Variants in NFIB observed in about 807,000 individuals in gnomAD.
NFIB encodes nuclear factor 1 B-type.
Under a neutral mutation model 61.5 loss-of-function variants are expected in NFIB, and 11 were observed. The ratio of observed to expected loss-of-function variants is 0.18; its 90% CI spans 0.11 to 0.30. The LOEUF is 0.30. NFIB is among the 10% of genes least tolerant of loss of function. The probability of loss-of-function intolerance (pLI) is 1.00; values close to 1 mark genes in which losing one functional copy is unlikely to be tolerated. For missense variants in NFIB, 471 were observed against 608.9 expected (o/e 0.77, Z 2.38); for synonymous variants, 260 against 216.5 (o/e 1.20, Z -1.76).
At chr9:14,416,257 T>C in the NFIB span, among the ~76,000 whole-genome samples, 1 of 152,222 alleles carries the variant, frequency 6.6e-6, no homozygotes, top group African/African-American at 2.4e-5. Flanking sequence ...CTCTACTTTT[T>C]ATTGTTATTT....
intron 2 of NFIB, among the ~76,000 whole-genome samples, chr9:14,184,274 A>G (rs978223881): frequency 6.6e-6 from 1 of 152,242 alleles, no homozygotes; most frequent in Non-Finnish European, 1.5e-5. Context: ...CAATCCTAAA[A>G]TAATGCGAAG....
chr9:14,447,306 T>A, the NFIB span, among the ~76,000 whole-genome samples: 1 of 152,216 alleles, frequency 6.6e-6, no homozygotes, highest in East Asian at 1.9e-4. Flanking sequence ...CATTATTTCC[T>A]TGTGCATTTA....
chr9:14,471,785 T>C, the NFIB span, among the ~76,000 whole-genome samples: 1 of 152,332 alleles, frequency 6.6e-6, no homozygotes, highest in East Asian at 1.9e-4. Flanking sequence ...ACAATCAGTC[T>C]TAGGGTGGCC....
At chr9:14,179,362 T>C (rs749351737) in intron 3 of NFIB, among the ~76,000 whole-genome samples, 1 of 152,086 alleles carries the variant, frequency 6.6e-6, no homozygotes, top group Non-Finnish European at 1.5e-5. Context: ...TGATAAACTA[T>C]AATTGCAGTA....
intron 2 of NFIB, among the ~76,000 whole-genome samples, chr9:14,302,642 G>C (rs892746715): frequency 6.6e-6 from 1 of 152,292 alleles, no homozygotes; most frequent in South Asian, 2.1e-4. Flanking sequence ...CACGACAACA[G>C]TTGCTATCTC....
the NFIB span, among the ~76,000 whole-genome samples, chr9:14,503,588 G>T: frequency 2.0e-3 from 299 of 152,200 alleles, 2 homozygotes; most frequent in African/African-American, 6.1e-3. Context: ...TAGTGATGTT[G>T]GGCATTTTTC....
At chr9:14,367,894 A>G (rs538855454) in intron 1 of NFIB, among the ~76,000 whole-genome samples, 38 of 152,212 alleles carry the variant, frequency 2.5e-4, no homozygotes, top group African/African-American at 8.7e-4. Context: ...TGAGGGGCTA[A>G]GGGAGGGATA....
chr9:14,214,544 G>A (rs970378652), intron 2 of NFIB, among the ~76,000 whole-genome samples: 3 of 152,176 alleles, frequency 2.0e-5, no homozygotes, highest in Admixed American at 2.0e-4. Flanking sequence ...GAAAAGTCAC[G>A]CTTTCCTCTA....
rs532374304 is a variant in NFIB at position 14,138,573 on chromosome 9, C to T, written c.925+8116G>A. Among the ~76,000 whole-genome samples the T allele has an allele frequency of 3.3e-5, 5 of 151,700 alleles. No individual in the cohort carries two copies. The East Asian group carries it at 7.7e-4, about 24-fold the overall frequency. ...ATGTAAAAAAAAAAAGTTCATTGTT[C>T]GAAATATTCAGATCTATTTACATGC... is the stretch of plus-strand genomic sequence containing the variant. On this transcript the variant is annotated intron_variant, in intron 6 of 10. Transcript: ENST00000380953.
chr9:14,332,758 G>A (rs567471003), intron 1 of NFIB, among the ~76,000 whole-genome samples: 1 of 152,294 alleles, frequency 6.6e-6, no homozygotes, highest in Admixed American at 6.5e-5. Context: ...AGGAAATACA[G>A]TACGAACAAA....
chr9:14,163,767 G>A (rs142464967), intron 3 of NFIB, among the ~76,000 whole-genome samples: 33 of 151,990 alleles, frequency 2.2e-4, no homozygotes, highest in African/African-American at 5.8e-4. Flanking sequence ...TTACTGATAT[G>A]TTCATGGAAC....
the NFIB span, among the ~76,000 whole-genome samples, chr9:14,495,217 C>T: frequency 2.6e-4 from 39 of 152,224 alleles, no homozygotes; most frequent in Non-Finnish European, 4.6e-4. Context: ...CACCCTCACA[C>T]GTAGACCTCA....
At chr9:14,477,795 T>A in the NFIB span, among the ~76,000 whole-genome samples, 1 of 152,206 alleles carries the variant, frequency 6.6e-6, no homozygotes, top group Non-Finnish European at 1.5e-5. Flanking sequence ...AGGTTTTGTT[T>A]TGTTGTTATC....
At chr9:14,149,551 A>G (rs2042634813) in intron 5 of NFIB, among the ~76,000 whole-genome samples, 3 of 152,156 alleles carry the variant, frequency 2.0e-5, no homozygotes, top group Admixed American at 2.0e-4. Context: ...ACAGAGAAGT[A>G]AAAAGCAAAG....
intron 1 of NFIB, among the ~76,000 whole-genome samples, chr9:14,392,258 T>A (rs1231451059): frequency 1.3e-5 from 2 of 152,120 alleles, no homozygotes; most frequent in East Asian, 3.9e-4. Flanking sequence ...ATGAAGAAAT[T>A]TGAATATAGA....
chr9:14,382,800 G>A (rs2061503990), intron 1 of NFIB, among the ~76,000 whole-genome samples: 1 of 152,136 alleles, frequency 6.6e-6, no homozygotes, highest in Non-Finnish European at 1.5e-5. Context: ...TAAATGAACT[G>A]TAGCTGCACT....
At chr9:14,135,703 T>C (rs2040962949) in intron 6 of NFIB, among the ~76,000 whole-genome samples, 1 of 152,180 alleles carries the variant, frequency 6.6e-6, no homozygotes, top group Non-Finnish European at 1.5e-5. Flanking sequence ...TATCACACTC[T>C]AAAATAACAC....
At chr9:14,366,249 G>A (rs1198252458) in intron 1 of NFIB, among the ~76,000 whole-genome samples, 1 of 152,100 alleles carries the variant, frequency 6.6e-6, no homozygotes, top group Admixed American at 6.6e-5. Context: ...CACCACCACA[G>A]CCGAGGCCCG....
intron 2 of NFIB, among the ~76,000 whole-genome samples, chr9:14,214,687 A>G (rs1174182536): frequency 6.6e-6 from 1 of 152,196 alleles, no homozygotes; most frequent in African/African-American, 2.4e-5. Flanking sequence ...TTTGAACTTC[A>G]TGGTCTATAA....
Sources: gnomAD v4.1 joint callset for allele counts (sites outside exome capture counted in the v4.1 genomes callset) on GRCh38, gnomAD v4.1.1 for gene constraint, MANE v1.5 for transcripts, NCBI Gene and HGNC (gene_info 2026-07-23, HGNC 2026-07-21) for gene names.